NEK10: variants seen among roughly 807,000 people sequenced by gnomAD.
The protein encoded by NEK10 is NIMA related kinase 10, also known as serine/threonine-protein kinase Nek10.
NEK10 carries 122 observed loss-of-function variants against 159.8 expected under a neutral mutation model. That is an observed-to-expected ratio of 0.76 (90% CI 0.66 to 0.89). The LOEUF (loss-of-function observed/expected upper bound fraction) is 0.89, where lower values mean the gene tolerates loss of function less well. Ranked by LOEUF, NEK10 falls within the 40% of genes least tolerant of loss-of-function variation. The probability of loss-of-function intolerance (pLI) is 0.00; values close to 1 mark genes in which losing one functional copy is unlikely to be tolerated. For synonymous variants in NEK10, 466 were observed against 457.1 expected (o/e 1.02, Z -0.25); for missense variants, 1,342 against 1,323.1 (o/e 1.01, Z -0.22).
intron 5 of NEK10, 94 bp from the exon 6 acceptor site, chr3:27,322,355 A>G (rs976326489): frequency 4.1e-6 from 3 of 727,640 alleles, no homozygotes; most frequent in Non-Finnish European, 7.2e-6. Flanking sequence ...TAAAGAACGC[A>G]CTAAGCACTT....
intron 12 of NEK10, among the ~76,000 whole-genome samples, chr3:27,302,490 TC>T (rs2043908061): frequency 6.6e-6 from 1 of 152,164 alleles, no homozygotes; most frequent in African/African-American, 2.4e-5. Flanking sequence ...CTTTTTTGTG[TC>T]CAAAAATTTG....
rs990052974 is a variant in NEK10 at position 27,108,627 on chromosome 3, C to T, written c.*2645G>A. On this transcript the variant is annotated 3_prime_UTR_variant, in exon 36 of 36. Coordinates refer to ENST00000691995, the MANE Select transcript of NEK10 (RefSeq NM_001394966.1). Reference sequence around the variant, plus strand: ...ATAGGAATTTCATTGCACAACAAATCATTAAAAATTATACAAGAGAAAGGG... The same window carrying T: ...ATAGGAATTTCATTGCACAACAAATTATTAAAAATTATACAAGAGAAAGGG... Among the ~76,000 whole-genome samples the T allele has an allele frequency of 6.6e-6, 1 of 152,030 alleles. No individual in the cohort carries two copies. Among genetic ancestry groups the T allele is most frequent in the Non-Finnish European group, 1.5e-5 (1 of 67,998 alleles).
intron 29 of NEK10, among the ~76,000 whole-genome samples, chr3:27,169,881 A>G (rs562266265): frequency 2.6e-5 from 4 of 152,274 alleles, no homozygotes; most frequent in Admixed American, 6.5e-5. Context: ...AGCCAGGCCA[A>G]TCTGGCTCTC....
At chr3:27,145,142 A>G (rs887254810) in intron 30 of NEK10, among the ~76,000 whole-genome samples, 4 of 152,050 alleles carry the variant, frequency 2.6e-5, no homozygotes, top group Admixed American at 1.3e-4. Flanking sequence ...ACCAAAAAAA[A>G]AAAGCAGCAT....
chr3:27,204,315 T>TG (rs752436375), intron 23 of NEK10, among the ~76,000 whole-genome samples: 138 of 113,254 alleles, frequency 1.2e-3, no homozygotes, highest in Non-Finnish European at 1.9e-3. Flanking sequence ...TTTTTTTTTT[T>TG]TTTTTTATTA....
rs189017735 is a variant in NEK10, at chr3:27,134,040, T to A, written c.2971-2050A>T. Among the ~76,000 whole-genome samples, 625 of 151,964 alleles carry A rather than the reference T, an allele frequency of 4.1e-3. 3 individuals carry two copies. The highest frequency in any genetic ancestry group is 0.014 in the African/African-American group (594 of 41,408). On this transcript the variant is annotated intron_variant, in intron 31 of 35. Coordinates refer to ENST00000691995, the MANE Select transcript of NEK10 (RefSeq NM_001394966.1). ...TCACATGAAATGAAAGGAGGAAATT[T>A]AAAAAAATGTGGAATAGAGAAAGAA...
intron 28 of NEK10, among the ~76,000 whole-genome samples, 164 bp from the exon 29 acceptor site, chr3:27,172,037 A>G (rs1481514856): frequency 6.6e-6 from 1 of 152,122 alleles, no homozygotes; most frequent in East Asian, 1.9e-4. Context: ...GCCATTATGG[A>G]AAACAGTATA....
intron 22 of NEK10, among the ~76,000 whole-genome samples, chr3:27,262,194 G>C (rs2040475384): frequency 6.6e-6 from 1 of 152,162 alleles, no homozygotes; most frequent in African/African-American, 2.4e-5. Flanking sequence ...TTTCTGCAGA[G>C]AGATCAGATG....
At chr3:27,236,792 G>T (rs971017884) in intron 23 of NEK10, among the ~76,000 whole-genome samples, 1 of 152,150 alleles carries the variant, frequency 6.6e-6, no homozygotes, top group African/African-American at 2.4e-5. Flanking sequence ...TAGAGTTACT[G>T]ATGAGGTTCT....
chr3:27,290,283 A>G (rs540897493), intron 19 of NEK10, among the ~76,000 whole-genome samples: 2 of 152,358 alleles, frequency 1.3e-5, no homozygotes, highest in East Asian at 1.9e-4. Context: ...TCATATTTCT[A>G]TGTATGTAAC....
At chr3:27,314,493 T>C (rs1292208301) in intron 6 of NEK10, among the ~76,000 whole-genome samples, 155 bp from the exon 7 acceptor site, 1 of 152,160 alleles carries the variant, frequency 6.6e-6, no homozygotes, top group African/African-American at 2.4e-5. Flanking sequence ...AGTATGTCAT[T>C]CATACTACCT....
At chr3:27,133,351 G>C (rs1466567213) in intron 31 of NEK10, among the ~76,000 whole-genome samples, 1 of 152,172 alleles carries the variant, frequency 6.6e-6, no homozygotes, top group African/African-American at 2.4e-5. Flanking sequence ...ACAGGGAGGG[G>C]CTCACAACAC....
intron 22 of NEK10, among the ~76,000 whole-genome samples, chr3:27,262,855 C>G (rs1470644826): frequency 6.6e-6 from 1 of 152,216 alleles, no homozygotes; most frequent in Non-Finnish European, 1.5e-5. Context: ...CTCCATCCAG[C>G]TTTGTTCCAT....
chr3:27,108,017 A>T lies in NEK10; in HGVS notation c.*3255T>A, dbSNP rs918970032. Among the ~76,000 whole-genome samples the T allele has an allele frequency of 1.3e-5, 2 of 152,206 alleles. No individual in the cohort carries two copies. Among genetic ancestry groups the T allele is most frequent in the African/African-American group, 4.8e-5 (2 of 41,462 alleles). On this transcript the variant is annotated 3_prime_UTR_variant, in exon 36 of 36. Transcript: ENST00000691995. ...CTAGCCAATATTACAGTCTTCACAC[A>T]TCTTAAAAATGAGTGGTGATTAATT...
At chr3:27,216,025 A>G (rs1415089849) in intron 23 of NEK10, 7 of 475,550 alleles carry the variant, frequency 1.5e-5, no homozygotes, top group Non-Finnish European at 2.2e-5. Flanking sequence ...AGGTGGGGAC[A>G]AAGATCCAAA....
intron 29 of NEK10, among the ~76,000 whole-genome samples, chr3:27,168,181 A>G (rs1396757346): frequency 2.0e-5 from 3 of 152,044 alleles, no homozygotes; most frequent in African/African-American, 7.2e-5. Flanking sequence ...AAGAGTCAGT[A>G]AGGGTCCCCA....
chr3:27,247,832 T>A (rs1216085467), intron 23 of NEK10, among the ~76,000 whole-genome samples: 2 of 150,942 alleles, frequency 1.3e-5, no homozygotes, highest in African/African-American at 4.8e-5. Flanking sequence ...TTTTTTTTTT[T>A]TTTTCTGGAG....
At chr3:27,214,791 C>A in intron 23 of NEK10, 1 of 921,112 alleles carries the variant, frequency 1.1e-6, no homozygotes. Flanking sequence ...CAGGTGAAGT[C>A]ACTGCTCCTG....
chr3:27,145,071 A>G (rs1944165637), intron 30 of NEK10, among the ~76,000 whole-genome samples: 1 of 151,984 alleles, frequency 6.6e-6, no homozygotes, highest in East Asian at 1.9e-4. Context: ...CTTTAAAAAC[A>G]TTCTCTCTCA....
Sources: allele counts gnomAD v4.1 joint callset (sites outside exome capture counted in the v4.1 genomes callset), GRCh38; gene constraint gnomAD v4.1.1; transcripts MANE v1.5; gene names NCBI Gene and HGNC (gene_info 2026-07-23, HGNC 2026-07-21).